Variants in HYCC1 observed in about 807,000 individuals in gnomAD.
HYCC1 encodes the protein hyccin.
At chr7:22,916,948 G>A in the HYCC1 span, among the ~76,000 whole-genome samples, 1 of 152,120 alleles carries the variant, frequency 6.6e-6, no homozygotes, top group African/African-American at 2.4e-5. Flanking sequence ...GCTGAAAGAG[G>A]TTTCCTCACT....
chr7:22,987,322 C>T, the HYCC1 span, among the ~76,000 whole-genome samples: 8 of 152,148 alleles, frequency 5.3e-5, no homozygotes, highest in East Asian at 1.9e-4. Context: ...CCAAGGCAAG[C>T]GGATAACTTG....
the HYCC1 span, among the ~76,000 whole-genome samples, chr7:22,904,181 C>T: frequency 6.6e-6 from 1 of 151,230 alleles, no homozygotes; most frequent in Non-Finnish European, 1.5e-5. Context: ...CCTGTAATCC[C>T]AGCACTTTGG....
At chr7:22,993,969 C>T in the HYCC1 span, among the ~76,000 whole-genome samples, 4 of 152,144 alleles carry the variant, frequency 2.6e-5, no homozygotes, top group African/African-American at 9.6e-5. Context: ...TTCATCTGAG[C>T]AATAGGCTTT....
At chr7:22,956,464 C>T in the HYCC1 span, among the ~76,000 whole-genome samples, 200 of 151,820 alleles carry the variant, frequency 1.3e-3, no homozygotes, top group African/African-American at 4.6e-3. Context: ...TAAGCCATGT[C>T]CATACAATTG....
At chr7:22,980,142 A>T in the HYCC1 span, among the ~76,000 whole-genome samples, 5 of 152,158 alleles carry the variant, frequency 3.3e-5, no homozygotes, top group Non-Finnish European at 5.9e-5. Flanking sequence ...GAAAAATGTC[A>T]GGAAGAATAA....
chr7:22,911,115 G>T, the HYCC1 span, among the ~76,000 whole-genome samples: 1 of 152,146 alleles, frequency 6.6e-6, no homozygotes, highest in Non-Finnish European at 1.5e-5. Flanking sequence ...TTCAGGAACA[G>T]AAAGGAAGAA....
At chr7:22,926,257 G>C in the HYCC1 span, among the ~76,000 whole-genome samples, 2 of 152,068 alleles carry the variant, frequency 1.3e-5, no homozygotes, top group African/African-American at 4.8e-5. Context: ...ATCAAGGCTA[G>C]GAAGAAACTG....
chr7:22,976,405 A>G, the HYCC1 span: 1 of 838,812 alleles, frequency 1.2e-6, no homozygotes, highest in African/African-American at 1.7e-5. Flanking sequence ...ACAATGTTAC[A>G]GAACAGACCT....
At chr7:22,959,901 G>C in the HYCC1 span, among the ~76,000 whole-genome samples, 1 of 152,108 alleles carries the variant, frequency 6.6e-6, no homozygotes, top group Non-Finnish European at 1.5e-5. Flanking sequence ...ACTTGCTTAA[G>C]AGTTCACTGA....
At chr7:22,984,013 G>A in the HYCC1 span, 1 of 1,604,778 alleles carries the variant, frequency 6.2e-7, no homozygotes, top group Non-Finnish European at 8.5e-7. Context: ...TCAAATTTGT[G>A]GCATAATTTG....
At chr7:22,914,438 CT>C in the HYCC1 span, among the ~76,000 whole-genome samples, 16 of 152,178 alleles carry the variant, frequency 1.1e-4, no homozygotes, top group African/African-American at 3.9e-4. Flanking sequence ...AACAAAACCT[CT>C]TCAACTCTCG....
At chr7:22,908,342 T>C in the HYCC1 span, among the ~76,000 whole-genome samples, 1 of 152,246 alleles carries the variant, frequency 6.6e-6, no homozygotes, top group Non-Finnish European at 1.5e-5. Context: ...AGTAGCTTGC[T>C]TTGGTTACAT....
the HYCC1 span, among the ~76,000 whole-genome samples, chr7:22,922,365 A>C: frequency 6.6e-6 from 1 of 152,348 alleles, no homozygotes; most frequent in South Asian, 2.1e-4. Flanking sequence ...AGCTGAAAAT[A>C]TTATAAGTCA....
At chr7:22,920,621 A>T in the HYCC1 span, among the ~76,000 whole-genome samples, 2 of 152,238 alleles carry the variant, frequency 1.3e-5, no homozygotes, top group African/African-American at 4.8e-5. Context: ...AGACCAAAGG[A>T]AGTTCTTCAG....
the HYCC1 span, among the ~76,000 whole-genome samples, chr7:22,987,274 C>T: frequency 2.0e-4 from 31 of 152,310 alleles, no homozygotes; most frequent in South Asian, 5.0e-3. Flanking sequence ...AGGACAAGCG[C>T]GGTGGCTCAC....
the HYCC1 span, among the ~76,000 whole-genome samples, chr7:22,986,250 T>C: frequency 6.6e-6 from 1 of 152,184 alleles, no homozygotes; most frequent in African/African-American, 2.4e-5. Flanking sequence ...TAAATATTAG[T>C]GCAGTAATAA....
chr7:22,946,887 G>T, the HYCC1 span: 1 of 1,357,078 alleles, frequency 7.4e-7, no homozygotes, highest in Non-Finnish European at 1.0e-6. Flanking sequence ...TAGATTACAT[G>T]CAAAATTTTT....
the HYCC1 span, among the ~76,000 whole-genome samples, chr7:22,923,037 C>G: frequency 9.2e-5 from 14 of 152,138 alleles, no homozygotes; most frequent in Non-Finnish European, 2.1e-4. Flanking sequence ...AAACCAAAGA[C>G]TTAAAGAGCA....
At chr7:22,956,547 A>G in the HYCC1 span, among the ~76,000 whole-genome samples, 1 of 151,928 alleles carries the variant, frequency 6.6e-6, no homozygotes, top group Admixed American at 6.6e-5. Context: ...TCTCCAAAAT[A>G]ATACCTCAGT....
Sources: allele counts gnomAD v4.1 joint callset (sites outside exome capture counted in the v4.1 genomes callset), GRCh38; gene constraint gnomAD v4.1.1; transcripts MANE v1.5; gene names NCBI Gene and HGNC (gene_info 2026-07-23, HGNC 2026-07-21).